Variants in THBS4 observed in about 807,000 individuals in gnomAD.
THBS4 encodes thrombospondin 4.
A neutral mutation model predicts 115.7 loss-of-function variants in THBS4; 90 were observed. The ratio of observed to expected loss-of-function variants is 0.78; its 90% CI spans 0.66 to 0.93. The LOEUF (loss-of-function observed/expected upper bound fraction) is 0.93. Ranked by LOEUF, THBS4 falls within the 40% of genes least tolerant of loss-of-function variation. The probability of loss-of-function intolerance (pLI) is 0.00; values close to 1 mark genes in which losing one functional copy is unlikely to be tolerated. For synonymous variants in THBS4, 460 were observed against 479.3 expected, an observed-to-expected ratio of 0.96 and a Z score of 0.53; for missense variants, 1,087 against 1,232.7, an observed-to-expected ratio of 0.88 and a Z score of 1.77.
At chr5:80,064,521 C>T (rs1833742651) in intron 8 of THBS4, among the ~76,000 whole-genome samples, 1 of 152,182 alleles carries the variant, frequency 6.6e-6, no homozygotes. Flanking sequence ...AAGAATAGGG[C>T]AATGCCCCAA....
chr5:79,999,895 A>G (rs540920732), intron 2 of THBS4, among the ~76,000 whole-genome samples: 27 of 152,324 alleles, frequency 1.8e-4, no homozygotes, highest in Admixed American at 2.6e-4. Context: ...ATTAGCGTAC[A>G]TTTTGAGTAA....
intron 2 of THBS4, among the ~76,000 whole-genome samples, chr5:80,025,732 C>T (rs976237185): frequency 6.6e-6 from 1 of 152,150 alleles, no homozygotes; most frequent in Non-Finnish European, 1.5e-5. Context: ...CCCTTTGTCG[C>T]CTCTCACCTG....
rs1832680524 is a variant in THBS4, at chr5:80,035,410, C to G, written c.-128C>G. The stretch of plus-strand genomic sequence containing the variant: ...AGCGCGCCCCCGACGGCAGCCCGGA[C>G]GCCGAGCACGGGTCACCTGCGGCGC... On this transcript the variant is annotated 5_prime_UTR_variant, in exon 1 of 22. Transcript: ENST00000350881. This position sits in a 1 kb window ranked among gnomAD's most constrained non-coding sequence, Gnocchi z 4.6. 2.1e-6 allele frequency: 1 copy of G among 471,496 alleles called. No homozygotes were observed. Among genetic ancestry groups the G allele is most frequent in the African/African-American group, 2.1e-5 (1 of 48,378 alleles). 29.2% of individuals were successfully genotyped at this position (471,496 alleles called of 1,614,324 possible).
intron 15 of THBS4, among the ~76,000 whole-genome samples, chr5:80,074,649 A>C (rs1743106438): frequency 6.9e-6 from 1 of 145,772 alleles, no homozygotes; most frequent in Admixed American, 6.9e-5. Context: ...TTTGAGATGG[A>C]GTCTTGCTCT....
In THBS4 at chr5:80,029,594, C is replaced by G. The variant is rs190441871; in HGVS notation, n.178-10483C>G. Among the ~76,000 whole-genome samples the G allele has an allele frequency of 9.2e-5, 14 of 152,168 alleles. No homozygotes were observed. The South Asian group carries it at 2.7e-3, about 29-fold the overall frequency. ...GATTGAAAATGACTGATTTTTCACA[C>G]CTCTTTTCTTGCTTTACTAATCGTC... is the stretch of plus-strand genomic sequence containing the variant. On this transcript the variant is annotated intron_variant and non_coding_transcript_variant, in intron 2 of 3. Transcript: ENST00000510218.
intron 20 of THBS4, among the ~76,000 whole-genome samples, chr5:80,081,770 T>C (rs151022370): frequency 9.3e-4 from 142 of 152,342 alleles, no homozygotes; most frequent in Non-Finnish European, 1.9e-3. Flanking sequence ...TTACCTACCC[T>C]GGTGTCTGAG....
At chr5:80,068,443 G>A in intron 10 of THBS4, 1 of 288,534 alleles carries the variant, frequency 3.5e-6, no homozygotes, top group South Asian at 4.4e-5. Flanking sequence ...CAGCAGCAGG[G>A]AGGTGAAGGA....
intron 19 of THBS4, 125 bp downstream of exon 19, chr5:80,079,383 A>T: frequency 9.4e-7 from 1 of 1,058,790 alleles, no homozygotes; most frequent in Non-Finnish European, 1.3e-6. Flanking sequence ...TGCTAACGTT[A>T]GAGTCAGGGA....
At chr5:80,059,946 C>G (rs1363825234) in intron 7 of THBS4, 41 bp downstream of exon 7, 19 of 1,577,300 alleles carry the variant, frequency 1.2e-5, no homozygotes, top group Non-Finnish European at 1.6e-5. Flanking sequence ...CCTAAGTATC[C>G]TCCTCACCCT....
chr5:80,061,729 G>A lies in THBS4; in HGVS notation c.1022G>A (p.Cys341Tyr), dbSNP rs201806218. 1 of 1,614,124 alleles carries A rather than the reference G, an allele frequency of 6.2e-7. No individual in the cohort carries two copies. Among genetic ancestry groups the A allele is most frequent in the East Asian group, 2.2e-5 (1 of 44,870 alleles). The change falls in exon 8 of 22, where the codon TGC becomes TAC. Residue 341 changes from cysteine (C) to tyrosine (Y), a missense_variant. Cys to Tyr is a radical substitution (Grantham distance 194). Transcript: ENST00000350881. ...CATCCCTGCTACCCGGGCGTGCACT[G>A]CATAAATTTGTCTCCTGGCTTCAGA... Reference protein sequence around the residue: ...KYHPCYPGVHCINLSPGFRCD... With the variant: ...KYHPCYPGVHYINLSPGFRCD...
chr5:80,065,479 T>TAA lies in THBS4; in HGVS notation c.1194+3_1194+4dup. The stretch of plus-strand genomic sequence containing the variant: ...AACTCGATCTGCGTTAATACTTTGG[T>TAA]AAGTATTTCTCACAGCTGTTGTTAT... On this transcript the variant is annotated splice_region_variant and intron_variant, in intron 9 of 21. Transcript: ENST00000350881. The TAA allele has an allele frequency of 6.2e-7, 1 of 1,612,264 alleles. No individual in the cohort carries two copies.
intron 1 of THBS4, among the ~76,000 whole-genome samples, chr5:80,038,007 A>G (rs1832771723): frequency 6.6e-6 from 1 of 152,200 alleles, no homozygotes; most frequent in South Asian, 2.1e-4. Context: ...TGTGAAAAAT[A>G]CAGTATAGAT....
chr5:80,029,287 G>A (rs1832539842), intron 2 of THBS4, among the ~76,000 whole-genome samples: 1 of 152,098 alleles, frequency 6.6e-6, no homozygotes, highest in Admixed American at 6.5e-5. Flanking sequence ...GGATATTCCT[G>A]GCACGATAAT....
intron 2 of THBS4, among the ~76,000 whole-genome samples, chr5:79,998,886 A>G (rs1242074787): frequency 6.6e-6 from 1 of 152,204 alleles, no homozygotes; most frequent in East Asian, 1.9e-4. Context: ...CATGCCATTT[A>G]AATGTTTTCC....
chr5:80,062,984 A>G (rs1338763541), intron 8 of THBS4, among the ~76,000 whole-genome samples: 2 of 152,202 alleles, frequency 1.3e-5, no homozygotes, highest in Non-Finnish European at 2.9e-5. Flanking sequence ...GAATAGTGCC[A>G]CAATAAATAT....
intron 2 of THBS4, among the ~76,000 whole-genome samples, chr5:80,026,560 C>T (rs1832480344): frequency 6.6e-6 from 1 of 152,222 alleles, no homozygotes; most frequent in Non-Finnish European, 1.5e-5. Context: ...GTTACAACTA[C>T]TCAACTGTGC....
At chr5:80,032,748 T>G (rs953732658), upstream of THBS4, among the ~76,000 whole-genome samples, 1 of 152,174 alleles carries the variant, frequency 6.6e-6, no homozygotes, top group African/African-American at 2.4e-5. Context: ...CCTGCCTGCT[T>G]TATTCTAGCC....
intron 2 of THBS4, among the ~76,000 whole-genome samples, chr5:80,008,255 C>T (rs889821672): frequency 5.9e-5 from 9 of 152,158 alleles, no homozygotes; most frequent in Non-Finnish European, 1.3e-4. Flanking sequence ...AAATGTGGGT[C>T]TACCAGTGAG....
At chr5:80,059,141 A>T (rs1352003295) in intron 5 of THBS4, among the ~76,000 whole-genome samples, 4 of 151,956 alleles carry the variant, frequency 2.6e-5, no homozygotes, top group Non-Finnish European at 5.9e-5. Flanking sequence ...ACCAGCCTGA[A>T]CAACATGGTG....
Sources: allele counts gnomAD v4.1 joint callset (sites outside exome capture counted in the v4.1 genomes callset), GRCh38; gene constraint gnomAD v4.1.1; non-coding constraint Gnocchi (gnomAD v3.1); transcripts MANE v1.5; gene names NCBI Gene and HGNC (gene_info 2026-07-23, HGNC 2026-07-21).